The following COL4A6 variants were observed in gnomAD, a reference collection of about 807,000 sequenced individuals.
COL4A6 encodes collagen alpha-6(IV) chain.
In COL4A6, 59 loss-of-function variants were observed where a neutral mutation model predicts 126.7. The observed-to-expected ratio is 0.47, with a 90% CI of 0.38 to 0.58. The LOEUF (loss-of-function observed/expected upper bound fraction) is 0.58. Ranked by LOEUF, COL4A6 falls within the 20% of genes least tolerant of loss-of-function variation. The pLI, the probability that COL4A6 is intolerant of heterozygous loss-of-function variation, is 0.00. For missense variants in COL4A6, 1,285 were observed against 1,337.3 expected (o/e 0.96, Z 0.61); for synonymous variants, 547 against 496.6 (o/e 1.10, Z -1.35).
chrX:108,358,738 A>G lies in COL4A6; in HGVS notation c.64-47910T>C, dbSNP rs190676351. Reference sequence around the variant, plus strand: ...TTTTTCTCTTCCCATTCTATTGGTTATGATATAACTGAATTTTTTTTAACT... The same window carrying G: ...TTTTTCTCTTCCCATTCTATTGGTTGTGATATAACTGAATTTTTTTTAACT... On this transcript the variant is annotated intron_variant, in intron 2 of 44. Transcript: ENST00000334504. Among the ~76,000 whole-genome samples, 7 of 111,893 alleles carry G rather than the reference A, an allele frequency of 6.3e-5. No homozygotes were observed. The East Asian group carries it at 2.0e-3, about 32-fold the overall frequency.
Position 108,284,306 on chromosome X carries a change from G to A in COL4A6, c.144+26442C>T, listed in dbSNP as rs769277553. Reference sequence around the variant, plus strand: ...AGGGGAACATCACACACTGGGGCCTGTCGGGGGCTGGGGGGCTGGGGGAGG... The same window carrying A: ...AGGGGAACATCACACACTGGGGCCTATCGGGGGCTGGGGGGCTGGGGGAGG... On this transcript the variant is annotated intron_variant, in intron 3 of 44. Transcript: ENST00000334504. Among the ~76,000 whole-genome samples the A allele has an allele frequency of 7.8e-5, 8 of 102,619 alleles. No homozygotes were observed. The East Asian group carries it at 2.2e-3, about 28-fold the overall frequency. The allele number at this position is 102,619 out of a possible 115,157, so 89.1% of individuals were successfully genotyped here. A position where few individuals can be genotyped will look rare whatever the true frequency, so the allele number is the denominator to read the frequency against.
chrX:108,404,438 A>G (rs1396108003), intron 2 of COL4A6, among the ~76,000 whole-genome samples: 5 of 111,526 alleles, frequency 4.5e-5, no homozygotes, highest in Non-Finnish European at 9.4e-5. Flanking sequence ...CAAATTATCT[A>G]TATCCTCGGT....
Position 108,165,031 on chromosome X carries a change from T to C in COL4A6, c.3816A>G (p.Pro1272=), listed in dbSNP as rs923188604. The C allele has an allele frequency of 1.2e-5, 14 of 1,204,343 alleles. No homozygotes were observed. The South Asian group carries it at 2.5e-4, about 21-fold the overall frequency. Residue 1272 remains proline (P), a synonymous_variant, in exon 39 of 45, where the codon CCA becomes CCG. Coordinates refer to ENST00000334504, the MANE Select transcript of COL4A6 (RefSeq NM_033641.4). ...GGGGACCTGGGGGTCCAGCGGGGCC[T>C]GGGCGGCCTAGGGATAAGATCGGAA... ...RPGLDGERGR[P]GPAGPPGPPG...
At chrX:108,225,835 C>T (rs1171074145) in intron 3 of COL4A6, among the ~76,000 whole-genome samples, 1 of 112,719 alleles carries the variant, frequency 8.9e-6, no homozygotes, top group Non-Finnish European at 1.9e-5. Flanking sequence ...TTCCAGTGTT[C>T]TTCTCCCATA....
intron 2 of COL4A6, among the ~76,000 whole-genome samples, chrX:108,378,168 C>T (rs2035561913): frequency 9.1e-6 from 1 of 110,409 alleles, no homozygotes; most frequent in African/African-American, 3.3e-5. Flanking sequence ...TAAATAATTT[C>T]CCCAGCACTG....
intron 13 of COL4A6, among the ~76,000 whole-genome samples, chrX:108,200,458 G>A (rs191961283): frequency 7.1e-5 from 8 of 112,062 alleles, no homozygotes; most frequent in Non-Finnish European, 1.5e-4. Context: ...CTTATATTTT[G>A]TAAAGAAACT....
chrX:108,307,654 G>A (rs2038658807), intron 3 of COL4A6, among the ~76,000 whole-genome samples: 1 of 112,153 alleles, frequency 8.9e-6, no homozygotes, highest in South Asian at 3.7e-4. Flanking sequence ...ATCTCAGGGT[G>A]ACCCAATGTT....
rs751971551 is a variant in COL4A6, at chrX:108,294,826, A to G, written c.144+15922T>C. 1.3e-4 allele frequency among the ~76,000 whole-genome samples: 14 copies of G among 111,903 alleles called. No homozygotes were observed. In the South Asian group the frequency reaches 5.3e-3, roughly 42 times the overall value. Reference sequence around the variant, plus strand: ...AGGTAATGAAATGTTCTGGAATTAGATAGTGGTGATGGTTGCAGAACCTTG... The same window carrying G: ...AGGTAATGAAATGTTCTGGAATTAGGTAGTGGTGATGGTTGCAGAACCTTG... On this transcript the variant is annotated intron_variant, in intron 3 of 44. Coordinates refer to ENST00000334504, the MANE Select transcript of COL4A6 (RefSeq NM_033641.4).
intron 3 of COL4A6, among the ~76,000 whole-genome samples, chrX:108,243,212 T>A (rs1273536019): frequency 1.8e-5 from 2 of 111,636 alleles, no homozygotes; most frequent in African/African-American, 3.3e-5. Flanking sequence ...GAGATTTGGG[T>A]CCCATTTCCA....
At chrX:108,206,661 T>C (rs1032588094) in intron 8 of COL4A6, 81 bp from the exon 9 acceptor site, 2 of 797,675 alleles carry the variant, frequency 2.5e-6, no homozygotes, top group African/African-American at 4.1e-5. Context: ...CCACGAGAAC[T>C]GTACAAGAAT....
intron 18 of COL4A6, 100 bp downstream of exon 18, chrX:108,192,373 G>T: frequency 3.7e-6 from 2 of 535,857 alleles, no homozygotes; most frequent in Non-Finnish European, 6.2e-6. Flanking sequence ...GTTTGACTTT[G>T]GCTAGGTGTG....
chrX:108,384,334 A>C (rs1342730780), intron 2 of COL4A6, among the ~76,000 whole-genome samples: 1 of 112,291 alleles, frequency 8.9e-6, no homozygotes, highest in Non-Finnish European at 1.9e-5. Context: ...TTTACTGTGA[A>C]AAACCAAACA....
rs772835243 is a variant in COL4A6, at chrX:108,243,981, AG to A, written c.145-22608del. Among the ~76,000 whole-genome samples the A allele has an allele frequency of 2.7e-5, 3 of 112,318 alleles. No individual in the cohort carries two copies. In the East Asian group the frequency reaches 8.4e-4, roughly 32 times the overall value. On this transcript the variant is annotated intron_variant, in intron 3 of 44. Coordinates refer to ENST00000334504, the MANE Select transcript of COL4A6 (RefSeq NM_033641.4). ...GGACAGCGGTCACATTTTCTCTTTT[AG>A]TTCTCTTCAGGAGAAACACTGTGGA...
intron 2 of COL4A6, among the ~76,000 whole-genome samples, chrX:108,391,852 C>G (rs1026093063): frequency 2.7e-5 from 3 of 112,559 alleles, no homozygotes; most frequent in Non-Finnish European, 3.8e-5. Flanking sequence ...ACTGTCCAAC[C>G]AGTCCCAATG....
chrX:108,371,006 G>A (rs1330494871), intron 2 of COL4A6, among the ~76,000 whole-genome samples: 1 of 110,428 alleles, frequency 9.1e-6, no homozygotes, highest in Non-Finnish European at 1.9e-5. Flanking sequence ...TAGCTCAAAT[G>A]TCACCTCTTC....
intron 23 of COL4A6, among the ~76,000 whole-genome samples, chrX:108,186,504 A>T (rs1317232810): frequency 1.8e-5 from 2 of 112,447 alleles, no homozygotes; most frequent in African/African-American, 6.5e-5. Flanking sequence ...TTCTGGCTGT[A>T]TTGAAGAAGA....
intron 11 of COL4A6, among the ~76,000 whole-genome samples, chrX:108,204,883 G>A (rs1280664046): frequency 2.7e-5 from 3 of 110,599 alleles, no homozygotes; most frequent in African/African-American, 9.9e-5. Context: ...TCTCAGCCTC[G>A]CTTGAGGCTC....
intron 2 of COL4A6, among the ~76,000 whole-genome samples, chrX:108,426,649 A>G (rs1397874571): frequency 5.3e-5 from 6 of 112,219 alleles, no homozygotes; most frequent in Non-Finnish European, 1.1e-4. Flanking sequence ...AAACAAATTC[A>G]ACAAATAATT....
chrX:108,164,083 C>T (rs1017884008), intron 40 of COL4A6, among the ~76,000 whole-genome samples: 1 of 111,438 alleles, frequency 9.0e-6, no homozygotes, highest in African/African-American at 3.3e-5. Flanking sequence ...CTCTTTTTGG[C>T]CACTATGTGG....
Sources: gnomAD v4.1 joint callset for allele counts (sites outside exome capture counted in the v4.1 genomes callset) on GRCh38, gnomAD v4.1.1 for gene constraint, MANE v1.5 for transcripts, NCBI Gene and HGNC (gene_info 2026-07-23, HGNC 2026-07-21) for gene names.